The following GRID2 variants were observed in gnomAD, a reference collection of about 807,000 sequenced individuals.
The protein encoded by GRID2 is glutamate ionotropic receptor delta type subunit 2.
Under a neutral mutation model 114.8 loss-of-function variants are expected in GRID2, and 33 were observed. The ratio of observed to expected loss-of-function variants is 0.29; its 90% CI spans 0.22 to 0.38. The LOEUF is 0.38. GRID2 is among the 10% of genes least tolerant of loss of function. The pLI, the probability that GRID2 is intolerant of heterozygous loss-of-function variation, is 1.00. For missense variants in GRID2, 1,184 were observed against 1,257.7 expected, an observed-to-expected ratio of 0.94 and a Z score of 0.89; for synonymous variants, 505 against 449.9, an observed-to-expected ratio of 1.12 and a Z score of -1.55.
At chr4:93,632,483 C>T (rs958599040) in intron 14 of GRID2, among the ~76,000 whole-genome samples, 10 of 152,076 alleles carry the variant, frequency 6.6e-5, no homozygotes, top group Admixed American at 1.3e-4. Flanking sequence ...AATCCTTTCC[C>T]CATTTCTTGT....
At chr4:92,723,359 A>T (rs1458506982) in intron 2 of GRID2, among the ~76,000 whole-genome samples, 1 of 152,170 alleles carries the variant, frequency 6.6e-6, no homozygotes, top group Non-Finnish European at 1.5e-5. Flanking sequence ...GGTAATGAAC[A>T]GTTAAAATTT....
chr4:92,841,832 T>C (rs1455403565), intron 2 of GRID2, among the ~76,000 whole-genome samples: 1 of 152,112 alleles, frequency 6.6e-6, no homozygotes, highest in Admixed American at 6.6e-5. Context: ...AGCTTTGAGT[T>C]CTCCTCTTGA....
chr4:93,170,490 A>G (rs1159561245), intron 4 of GRID2, among the ~76,000 whole-genome samples: 1 of 151,946 alleles, frequency 6.6e-6, no homozygotes, highest in Admixed American at 6.6e-5. Context: ...TCACATCCGG[A>G]TGTGTGTTTC....
chr4:93,107,770 A>C (rs1385047661), intron 3 of GRID2, among the ~76,000 whole-genome samples: 1 of 152,112 alleles, frequency 6.6e-6, no homozygotes, highest in Non-Finnish European at 1.5e-5. Flanking sequence ...CTGGGGTTTC[A>C]GACATGAGCC....
chr4:92,784,894 C>A (rs1739245374), intron 2 of GRID2, among the ~76,000 whole-genome samples: 1 of 151,748 alleles, frequency 6.6e-6, no homozygotes, highest in Non-Finnish European at 1.5e-5. Flanking sequence ...GTCATCTTTT[C>A]TTTAGGTAGT....
chr4:92,455,629 T>A (rs1415380382), intron 1 of GRID2, among the ~76,000 whole-genome samples: 6 of 152,082 alleles, frequency 3.9e-5, no homozygotes. Flanking sequence ...GAGAGGAGCA[T>A]GTGCTCAAGG....
chr4:92,937,310 T>C (rs1291325595), intron 2 of GRID2, among the ~76,000 whole-genome samples: 1 of 146,858 alleles, frequency 6.8e-6, no homozygotes, highest in Non-Finnish European at 1.5e-5. Flanking sequence ...TCTAAGAATT[T>C]TATAGTTTTA....
intron 2 of GRID2, among the ~76,000 whole-genome samples, chr4:92,806,531 T>C (rs1740424250): frequency 1.3e-5 from 2 of 151,868 alleles, no homozygotes; most frequent in South Asian, 4.1e-4. Context: ...CAATATATAT[T>C]TTCTTTTATA....
chr4:92,390,393 A>G (rs1206304360), intron 1 of GRID2, among the ~76,000 whole-genome samples: 1 of 152,162 alleles, frequency 6.6e-6, no homozygotes, highest in Non-Finnish European at 1.5e-5. Context: ...CATTGTTAGT[A>G]ATAAAATATA....
intron 2 of GRID2, among the ~76,000 whole-genome samples, chr4:92,950,477 A>AT (rs763883619): frequency 7.0e-4 from 107 of 152,248 alleles, no homozygotes; most frequent in African/African-American, 2.1e-3. Flanking sequence ...CATATACGTG[A>AT]TTTTTTTAGT....
chr4:92,903,474 T>C (rs1029764790), intron 2 of GRID2, among the ~76,000 whole-genome samples: 1 of 151,990 alleles, frequency 6.6e-6, no homozygotes, highest in Non-Finnish European at 1.5e-5. Context: ...AGAATATTTC[T>C]TTGACTTTTT....
intron 14 of GRID2, among the ~76,000 whole-genome samples, chr4:93,633,888 C>A (rs1192289403): frequency 6.6e-6 from 1 of 152,132 alleles, no homozygotes; most frequent in East Asian, 1.9e-4. Flanking sequence ...ATTCTGTTCA[C>A]CATTCAGCAA....
At chr4:92,920,202 A>G (rs1475991968) in intron 2 of GRID2, among the ~76,000 whole-genome samples, 1 of 152,050 alleles carries the variant, frequency 6.6e-6, no homozygotes, top group African/African-American at 2.4e-5. Flanking sequence ...TTTGCTTGGT[A>G]GATCTTCCTC....
chr4:92,482,891 T>C (rs1353424508), intron 1 of GRID2, among the ~76,000 whole-genome samples: 1 of 152,196 alleles, frequency 6.6e-6, no homozygotes, highest in African/African-American at 2.4e-5. Flanking sequence ...ATGTCTATCA[T>C]TGTTTTAGAA....
intron 1 of GRID2, among the ~76,000 whole-genome samples, chr4:93,803,380 C>G (rs17021157): frequency 0.021 from 3,169 of 152,102 alleles, 58 homozygotes; most frequent in African/African-American, 0.05. Flanking sequence ...GCACGAGTAC[C>G]AATTCTGAAT....
At chr4:93,222,593 C>A (rs1223079996) in intron 6 of GRID2, among the ~76,000 whole-genome samples, 1 of 151,844 alleles carries the variant, frequency 6.6e-6, no homozygotes, top group Non-Finnish European at 1.5e-5. Context: ...TTAGGTATAT[C>A]TTCTAATGCT....
At chr4:93,662,245 G>C (rs12509478) in intron 14 of GRID2, among the ~76,000 whole-genome samples, 1 of 151,848 alleles carries the variant, frequency 6.6e-6, no homozygotes, top group Non-Finnish European at 1.5e-5. Flanking sequence ...AAAGGCACAC[G>C]CCCATCCCTG....
intron 8 of GRID2, among the ~76,000 whole-genome samples, chr4:93,273,809 C>T (rs897628755): frequency 6.6e-6 from 1 of 152,096 alleles, no homozygotes; most frequent in Non-Finnish European, 1.5e-5. Flanking sequence ...AGCAAGATAA[C>T]AAAAACCTCA....
chr4:93,677,853 A>G (rs1188312460), intron 14 of GRID2, among the ~76,000 whole-genome samples: 2 of 152,150 alleles, frequency 1.3e-5, no homozygotes, highest in African/African-American at 4.8e-5. Flanking sequence ...GAAAAACTAG[A>G]AACTGTAAAA....
Sources: allele counts gnomAD v4.1 joint callset (sites outside exome capture counted in the v4.1 genomes callset), GRCh38; gene constraint gnomAD v4.1.1; transcripts MANE v1.5; gene names NCBI Gene and HGNC (gene_info 2026-07-23, HGNC 2026-07-21).